The following PTPRK variants were observed in gnomAD, a reference collection of about 807,000 sequenced individuals.
PTPRK encodes the protein receptor-type tyrosine-protein phosphatase kappa.
A neutral mutation model predicts 178.0 loss-of-function variants in PTPRK; 75 were observed. The observed-to-expected ratio is 0.42, with a 90% CI of 0.35 to 0.51. PTPRK has a LOEUF of 0.51. PTPRK is among the 20% of genes least tolerant of loss of function. PTPRK has a pLI of 0.02. For missense variants in PTPRK, 1,441 were observed against 1,797.8 expected, an observed-to-expected ratio of 0.80 and a Z score of 3.59; for synonymous variants, 637 against 620.6, an observed-to-expected ratio of 1.03 and a Z score of -0.39.
intron 3 of PTPRK, among the ~76,000 whole-genome samples, chr6:128,307,365 G>A (rs1826563987): frequency 6.7e-6 from 1 of 150,200 alleles, no homozygotes; most frequent in Non-Finnish European, 1.5e-5. Context: ...AAATTGGAAA[G>A]GCAAATCATA....
At chr6:127,978,796 G>C (rs1261363393) in intron 25 of PTPRK, among the ~76,000 whole-genome samples, 1 of 152,092 alleles carries the variant, frequency 6.6e-6, no homozygotes, top group African/African-American at 2.4e-5. Flanking sequence ...CATATGTAAG[G>C]CTTTGAAATT....
At chr6:128,126,823 G>A (rs1793456975) in intron 7 of PTPRK, among the ~76,000 whole-genome samples, 1 of 152,228 alleles carries the variant, frequency 6.6e-6, no homozygotes, top group Admixed American at 6.5e-5. Flanking sequence ...AGGTAAGAAT[G>A]TGATTGCTGG....
intron 2 of PTPRK, among the ~76,000 whole-genome samples, chr6:128,323,498 TA>T (rs559942098): frequency 6.6e-6 from 1 of 152,240 alleles, no homozygotes; most frequent in South Asian, 2.1e-4. Flanking sequence ...TGACAACATG[TA>T]AAAGTAATCA....
intron 3 of PTPRK, among the ~76,000 whole-genome samples, chr6:128,287,989 T>C (rs1822782946): frequency 6.6e-6 from 1 of 152,184 alleles, no homozygotes; most frequent in African/African-American, 2.4e-5. Context: ...TTCTATTTTT[T>C]ATCATCTCCA....
intron 1 of PTPRK, among the ~76,000 whole-genome samples, chr6:128,463,724 A>C (rs1375400832): frequency 6.6e-6 from 1 of 151,114 alleles, no homozygotes; most frequent in African/African-American, 2.4e-5. Flanking sequence ...CCTTCTCTAT[A>C]AAAGTCAATC....
chr6:128,207,770 A>G (rs1463225920), intron 6 of PTPRK, among the ~76,000 whole-genome samples: 2 of 152,198 alleles, frequency 1.3e-5, no homozygotes, highest in East Asian at 3.8e-4. Flanking sequence ...ATGCAAGAAT[A>G]TAAGTGAAAA....
At chr6:128,134,012 C>G (rs1186755922) in intron 7 of PTPRK, among the ~76,000 whole-genome samples, 1 of 152,098 alleles carries the variant, frequency 6.6e-6, no homozygotes, top group African/African-American at 2.4e-5. Context: ...AGTGACAAAA[C>G]AGTTTTGACA....
chr6:128,282,013 A>C (rs1161581924), intron 3 of PTPRK, among the ~76,000 whole-genome samples: 1 of 152,204 alleles, frequency 6.6e-6, no homozygotes, highest in Non-Finnish European at 1.5e-5. Context: ...AAGTGATAGC[A>C]TAAGATTAGC....
rs34836605 is a variant in PTPRK at position 128,017,802 on chromosome 6, G to GTATATATATATATA, written c.2195-8548_2195-8535dup. 7.5e-3 allele frequency among the ~76,000 whole-genome samples: 761 copies of GTATATATATATATA among 101,150 alleles called. 10 individuals carry two copies. Among genetic ancestry groups the GTATATATATATATA allele is most frequent in the South Asian group, 0.029 (79 of 2,734 alleles). The allele number at this position is 101,150 out of a possible 152,430, so 66.4% of individuals were successfully genotyped here. A position where few individuals can be genotyped will look rare whatever the true frequency, so the allele number is the denominator to read the frequency against. On this transcript the variant is annotated intron_variant, in intron 13 of 29. Transcript: ENST00000368226. ...TACATATATAAATAAATATATATGT[G>GTATATATATATATA]TATATATATATATATATATATATAT...
intron 2 of PTPRK, among the ~76,000 whole-genome samples, chr6:128,345,347 ATC>A (rs1455947177): frequency 6.6e-6 from 1 of 152,184 alleles, no homozygotes; most frequent in African/African-American, 2.4e-5. Flanking sequence ...ATTAAACAAA[ATC>A]TCTGAGAGTG....
At chr6:128,273,134 C>T (rs1049575512) in intron 3 of PTPRK, among the ~76,000 whole-genome samples, 1 of 151,898 alleles carries the variant, frequency 6.6e-6, no homozygotes, top group Admixed American at 6.6e-5. Flanking sequence ...TGTTCTCACT[C>T]ATAGGTAGGA....
intron 1 of PTPRK, among the ~76,000 whole-genome samples, chr6:128,442,449 A>C (rs1846397693): frequency 6.6e-6 from 1 of 152,170 alleles, no homozygotes; most frequent in Non-Finnish European, 1.5e-5. Context: ...CAAATAGGTA[A>C]ACATTTGCAT....
At chr6:128,224,548 A>T (rs1467958761) in intron 5 of PTPRK, among the ~76,000 whole-genome samples, 1 of 152,228 alleles carries the variant, frequency 6.6e-6, no homozygotes, top group Non-Finnish European at 1.5e-5. Context: ...GTTACAAATG[A>T]AGAGTCAAGA....
chr6:128,316,873 T>G (rs560689664), intron 3 of PTPRK, among the ~76,000 whole-genome samples: 2 of 152,108 alleles, frequency 1.3e-5, no homozygotes, highest in Admixed American at 6.6e-5. Flanking sequence ...CCCGCCACCA[T>G]GCCCGGCTAA....
intron 1 of PTPRK, among the ~76,000 whole-genome samples, chr6:128,518,568 G>T (rs1858447338): frequency 2.0e-5 from 3 of 152,154 alleles, no homozygotes. Flanking sequence ...TCAAGCGTAG[G>T]CTCTCCGTGC....
At chr6:128,258,665 T>A (rs188646715) in intron 3 of PTPRK, among the ~76,000 whole-genome samples, 1 of 152,286 alleles carries the variant, frequency 6.6e-6, no homozygotes, top group African/African-American at 2.4e-5. Flanking sequence ...TATGGAACAG[T>A]GACCAAAGTG....
At chr6:128,028,549 T>C (rs1434956886) in intron 13 of PTPRK, among the ~76,000 whole-genome samples, 1 of 152,254 alleles carries the variant, frequency 6.6e-6, no homozygotes, top group East Asian at 1.9e-4. Flanking sequence ...CTGCCCATGC[T>C]GTTACCAGTG....
At chr6:128,249,170 T>C (rs2128288123) in intron 3 of PTPRK, among the ~76,000 whole-genome samples, 1 of 151,980 alleles carries the variant, frequency 6.6e-6, no homozygotes, top group South Asian at 2.1e-4. Context: ...GGAGTTGAAA[T>C]ACAGAGTAGA....
chr6:128,370,449 C>G (rs1242498350), intron 2 of PTPRK, among the ~76,000 whole-genome samples: 2 of 152,044 alleles, frequency 1.3e-5, no homozygotes, highest in African/African-American at 4.8e-5. Context: ...AAATATTTCT[C>G]CTTTATAGGC....
Sources: gnomAD v4.1 joint callset for allele counts (sites outside exome capture counted in the v4.1 genomes callset) on GRCh38, gnomAD v4.1.1 for gene constraint, MANE v1.5 for transcripts, NCBI Gene and HGNC (gene_info 2026-07-23, HGNC 2026-07-21) for gene names.